The following TRIM58 variants were observed in gnomAD, a reference collection of about 807,000 sequenced individuals.
TRIM58 encodes E3 ubiquitin-protein ligase TRIM58.
Under a neutral mutation model 34.1 loss-of-function variants are expected in TRIM58, and 38 were observed. The observed-to-expected ratio is 1.12, with a 90% confidence interval of 0.86 to 1.46. The LOEUF (loss-of-function observed/expected upper bound fraction) is 1.46. Ranked by LOEUF, TRIM58 falls within the 40% of genes most tolerant of loss-of-function variation. The pLI is 0.00. For synonymous variants in TRIM58, 273 were observed against 275.7 expected, an observed-to-expected ratio of 0.99 and a Z score of 0.10; for missense variants, 677 against 642.0, an observed-to-expected ratio of 1.05 and a Z score of -0.59.
chr1:247,857,538 C>G lies in TRIM58; in HGVS notation c.292C>G (p.Arg98Gly). 2.3e-6 allele frequency: 3 copies of G among 1,281,374 alleles called. No homozygotes were observed. Among genetic ancestry groups the G allele is most frequent in the Non-Finnish European group, 2.9e-6 (3 of 1,018,678 alleles). 79.4% of individuals were successfully genotyped at this position (1,281,374 alleles called of 1,614,324 possible). Reference sequence around the variant, plus strand: ...GGGGCCCGGGGCGCGGCGATGCGCGCGGCACGGCGAGGACCTGAGCCGCTT... The same window carrying G: ...GGGGCCCGGGGCGCGGCGATGCGCGGGGCACGGCGAGGACCTGAGCCGCTT... Reference protein sequence around the residue: ...GAGPGARRCARHGEDLSRFCE... With the variant: ...GAGPGARRCAGHGEDLSRFCE... Residue 98 changes from arginine (R) to glycine (G), a missense_variant, in exon 1 of 6, where the codon CGG becomes GGG. Physicochemically the swap from Arg to Gly is moderately radical, Grantham distance 125. Coordinates refer to ENST00000366481, the MANE Select transcript of TRIM58 (RefSeq NM_015431.4).
chr1:247,876,752 G>C lies in TRIM58; in HGVS notation c.*263G>C, dbSNP rs983193582. On this transcript the variant is annotated 3_prime_UTR_variant, in exon 6 of 6. Transcript: ENST00000366481. ...TCTTGATGTCTTCCTTCAAATTAAT[G>C]ACCTTGGATTACATAAGGATTTCTA... The C allele has an allele frequency of 1.0e-4, 48 of 465,244 alleles. No homozygotes were observed. Among genetic ancestry groups the C allele is most frequent in the Non-Finnish European group, 2.7e-5 (7 of 262,530 alleles). 28.8% of individuals were successfully genotyped at this position (465,244 alleles called of 1,614,324 possible).
rs199978833 is a variant in TRIM58 at position 247,864,835 on chromosome 1, G to C, written c.647G>C (p.Arg216Pro). ...AEERATLQRL[R>P]ESKSRLVQQS... ...GAGCGAGCGACGCTGCAGAGACTGC[G>C]GGAGAGCAAGAGCCGGCTGGTCCAG... The change falls in exon 3 of 6, where the codon CGG becomes CCG. Residue 216 changes from arginine to proline, a missense_variant. Coordinates refer to ENST00000366481, the MANE Select transcript of TRIM58 (RefSeq NM_015431.4). 2 of 1,613,374 alleles carry C rather than the reference G, an allele frequency of 1.2e-6. No individual in the cohort carries two copies. Among genetic ancestry groups the C allele is most frequent in the Middle Eastern group, 1.7e-4 (1 of 5,724 alleles).
rs1659374863 is a variant in TRIM58 at position 247,880,051 on chromosome 1, C to T, written c.*3562C>T. Reference sequence around the variant, plus strand: ...TGACAATGATACATTCAATGTTTCTCAAGCACCCCCAATGCTGGTTTGTAT... The same window carrying T: ...TGACAATGATACATTCAATGTTTCTTAAGCACCCCCAATGCTGGTTTGTAT... On this transcript the variant is annotated 3_prime_UTR_variant, in exon 6 of 6. Coordinates refer to ENST00000366481, the MANE Select transcript of TRIM58 (RefSeq NM_015431.4). Among the ~76,000 whole-genome samples, 1 of 152,118 alleles carries T rather than the reference C, an allele frequency of 6.6e-6. No individual in the cohort carries two copies. The highest frequency in any genetic ancestry group is 2.1e-4 in the South Asian group (1 of 4,820).
chr1:247,865,007 A>G (rs1326697862), intron 3 of TRIM58, 72 bp downstream of exon 3: 1 of 1,350,822 alleles, frequency 7.4e-7, no homozygotes, highest in Non-Finnish European at 9.9e-7. Flanking sequence ...TGGCTTTCAG[A>G]GACAAACACT....
intron 5 of TRIM58, among the ~76,000 whole-genome samples, chr1:247,873,190 A>C (rs113204720): frequency 0.023 from 3,453 of 152,224 alleles, 133 homozygotes; most frequent in African/African-American, 0.079. Flanking sequence ...AGATCATGCC[A>C]TTGAACTCCA....
intron 5 of TRIM58, among the ~76,000 whole-genome samples, chr1:247,873,545 C>T (rs895078008): frequency 6.6e-6 from 1 of 152,122 alleles, no homozygotes; most frequent in Non-Finnish European, 1.5e-5. Flanking sequence ...TTTGGGAAGA[C>T]CACATAAACT....
chr1:247,879,310 G>A lies in TRIM58; in HGVS notation c.*2821G>A, dbSNP rs753492090. ...TTGGTCCTACCTTCAGAATATGTCC[G>A]GGGTTCAGTTGTCCTGGCCACCCTG... On this transcript the variant is annotated 3_prime_UTR_variant, in exon 6 of 6. Transcript: ENST00000366481. Among the ~76,000 whole-genome samples the A allele has an allele frequency of 5.9e-5, 9 of 152,072 alleles. No homozygotes were observed. Among genetic ancestry groups the A allele is most frequent in the African/African-American group, 1.2e-4 (5 of 41,388 alleles).
intron 1 of TRIM58, among the ~76,000 whole-genome samples, chr1:247,860,362 G>A (rs890756918): frequency 3.9e-5 from 6 of 152,116 alleles, no homozygotes; most frequent in Non-Finnish European, 8.8e-5. Flanking sequence ...TTGGGAGGCT[G>A]AGGTGGGAGG....
At chr1:247,860,324 A>G (rs913460394) in intron 1 of TRIM58, among the ~76,000 whole-genome samples, 5 of 152,074 alleles carry the variant, frequency 3.3e-5, no homozygotes, top group African/African-American at 1.2e-4. Context: ...AGCTGAATGT[A>G]ATGATGTGTG....
intron 1 of TRIM58, among the ~76,000 whole-genome samples, chr1:247,857,932 G>A (rs901544762): frequency 2.0e-5 from 3 of 152,308 alleles, no homozygotes; most frequent in Non-Finnish European, 2.9e-5. Context: ...CTCGCGCTGG[G>A]CTGGTTTCTC....
At chr1:247,866,828 T>G (rs1415753912) in intron 3 of TRIM58, among the ~76,000 whole-genome samples, 1 of 152,136 alleles carries the variant, frequency 6.6e-6, no homozygotes, top group Non-Finnish European at 1.5e-5. Context: ...CTGTATATTT[T>G]TATACTTTCC....
chr1:247,863,425 T>C (rs560317498), intron 2 of TRIM58, among the ~76,000 whole-genome samples: 49 of 151,812 alleles, frequency 3.2e-4, no homozygotes, highest in Middle Eastern at 3.4e-3. Context: ...GTAATCCCAC[T>C]TACTCGGGAG....
rs1659312585 is a variant in TRIM58, at chr1:247,877,317, A to T, written c.*828A>T. On this transcript the variant is annotated 3_prime_UTR_variant, in exon 6 of 6. Transcript: ENST00000366481. ...GCTGGGTGCAGTGGCTCACGCCTGT[A>T]ATCCCAGCACTTTGGGAGGCTGAGG... The T allele has an allele frequency of 2.6e-5, 4 of 152,130 alleles. No homozygotes were observed. Among genetic ancestry groups the T allele is most frequent in the Admixed American group, 2.6e-4 (4 of 15,264 alleles). The allele number at this position is 152,130 out of a possible 1,614,324, so 9.4% of individuals were successfully genotyped here. A position where few individuals can be genotyped will look rare whatever the true frequency, so the allele number is the denominator to read the frequency against.
At chr1:247,872,272 G>T (rs1414417045) in intron 5 of TRIM58, among the ~76,000 whole-genome samples, 1 of 152,204 alleles carries the variant, frequency 6.6e-6, no homozygotes, top group African/African-American at 2.4e-5. Context: ...ATTGACATGG[G>T]AAAAGCAGTT....
At chr1:247,868,124 G>A in intron 5 of TRIM58, 61 bp downstream of exon 5, 1 of 1,440,326 alleles carries the variant, frequency 6.9e-7, no homozygotes, top group South Asian at 1.2e-5. Flanking sequence ...TTCCAAGGTA[G>A]TTGCATCTTA....
In TRIM58 at chr1:247,877,777, T is replaced by C. The variant is rs914818290; in HGVS notation, c.*1288T>C. 1 of 152,206 alleles carries C rather than the reference T, an allele frequency of 6.6e-6. No homozygotes were observed. The highest frequency in any genetic ancestry group is 1.5e-5 in the Non-Finnish European group (1 of 68,028). The allele number at this position is 152,206 out of a possible 1,614,324, so 9.4% of individuals were successfully genotyped here. On this transcript the variant is annotated 3_prime_UTR_variant, in exon 6 of 6. Transcript: ENST00000366481. ...TGAAATCATGATAATATTTAACTTA[T>C]TTTTAAAGTATATTCTGTACCTTTC...
chr1:247,876,373 T>C lies in TRIM58; in HGVS notation c.1345T>C (p.Phe449Leu). The change falls in exon 6 of 6, where the codon TTC (phenylalanine) becomes CTC (leucine). Residue 449 changes from phenylalanine to leucine, a missense_variant. Physicochemically the swap from Phe to Leu is conservative, Grantham distance 22 (BLOSUM62 0). Coordinates refer to ENST00000366481, the MANE Select transcript of TRIM58 (RefSeq NM_015431.4). Reference sequence around the variant, plus strand: ...CTCTGGTCTTCTTCGGCCTTACTTTTTCATCTGTGATGCAACTCCTCTTAT... The same window carrying C: ...CTCTGGTCTTCTTCGGCCTTACTTTCTCATCTGTGATGCAACTCCTCTTAT... ...LFSGLLRPYF[F>L]ICDATPLILP... is the part of the protein sequence containing the mutation. 1 of 1,614,200 alleles carries C rather than the reference T, an allele frequency of 6.2e-7. No homozygotes were observed. The highest frequency in any genetic ancestry group is 1.1e-5 in the South Asian group (1 of 91,086).
intron 3 of TRIM58, 62 bp from the exon 4 acceptor site, chr1:247,867,783 C>T: frequency 6.2e-7 from 1 of 1,603,268 alleles, no homozygotes; most frequent in Non-Finnish European, 8.5e-7. Flanking sequence ...ATGGGGTCTT[C>T]AGTCTGACTG....
At chr1:247,873,252 G>A (rs4925747) in intron 5 of TRIM58, among the ~76,000 whole-genome samples, 64,185 of 151,778 alleles carry the variant, frequency 0.42, 14,259 homozygotes, top group African/African-American at 0.56. Flanking sequence ...AAACTGACAA[G>A]TAACCATTCA....
Sources: allele counts gnomAD v4.1 joint callset (sites outside exome capture counted in the v4.1 genomes callset), GRCh38; gene constraint gnomAD v4.1.1; transcripts MANE v1.5; gene names NCBI Gene and HGNC (gene_info 2026-07-23, HGNC 2026-07-21).